Variants in OCA2 observed in about 807,000 individuals in gnomAD.
OCA2 encodes P protein.
In OCA2, 77 loss-of-function variants were observed where a neutral mutation model predicts 100.2. The observed-to-expected ratio is 0.77, with a 90% CI of 0.64 to 0.93. The LOEUF (loss-of-function observed/expected upper bound fraction) is 0.93, where lower values mean the gene tolerates loss of function less well. Ranked by LOEUF, OCA2 falls within the 40% of genes least tolerant of loss-of-function variation. The pLI is 0.00. For missense variants in OCA2, 1,062 were observed against 1,089.1 expected (o/e 0.98, Z 0.35); for synonymous variants, 432 against 439.2 (o/e 0.98, Z 0.21).
intron 23 of OCA2, among the ~76,000 whole-genome samples, chr15:27,842,320 G>A (rs1366599395): frequency 6.6e-6 from 1 of 152,132 alleles, no homozygotes; most frequent in African/African-American, 2.4e-5. Context: ...GCTATTTCTA[G>A]GTAGCAAAAT....
chr15:28,084,890 A>G lies in OCA2; in HGVS notation c.-21-2995T>C, dbSNP rs1021407102. ...GGCAACAAGGAGCATCTGGAGAGCG[A>G]GCAGCAGTGAGGCAGAGTTTTATAG... On this transcript the variant is annotated intron_variant, in intron 1 of 23. Coordinates refer to ENST00000354638, the MANE Select transcript of OCA2 (RefSeq NM_000275.3). 2.6e-5 allele frequency among the ~76,000 whole-genome samples: 4 copies of G among 152,220 alleles called. No homozygotes were observed. The South Asian group carries it at 8.3e-4, about 32-fold the overall frequency.
chr15:27,874,829 T>C (rs1393494933), intron 19 of OCA2, among the ~76,000 whole-genome samples: 1 of 151,740 alleles, frequency 6.6e-6, no homozygotes, highest in Admixed American at 6.6e-5. Context: ...AATCAAATAG[T>C]CAAAAATTGA....
chr15:28,079,630 C>T (rs2044551341), intron 2 of OCA2, among the ~76,000 whole-genome samples: 1 of 152,212 alleles, frequency 6.6e-6, no homozygotes, highest in South Asian at 2.1e-4. Context: ...CCTGTTGCTC[C>T]TCCTCCTGGG....
chr15:27,745,868 T>C, the OCA2 span, among the ~76,000 whole-genome samples: 1 of 152,166 alleles, frequency 6.6e-6, no homozygotes, highest in Admixed American at 6.5e-5. Context: ...TAATAACTCT[T>C]TCAACCAATT....
intron 19 of OCA2, among the ~76,000 whole-genome samples, chr15:27,924,419 T>C: frequency 6.6e-6 from 1 of 152,286 alleles, no homozygotes; most frequent in Middle Eastern, 3.4e-3. Context: ...TTTTTCTTTT[T>C]TCTCTTAATA....
intron 21 of OCA2, among the ~76,000 whole-genome samples, chr15:27,859,835 A>G (rs939465916): frequency 9.2e-5 from 14 of 152,192 alleles, no homozygotes; most frequent in Admixed American, 7.9e-4. Flanking sequence ...ACATCGATGG[A>G]AAGACCCCAG....
chr15:27,789,246 G>C (rs2032968782), intron 23 of OCA2, among the ~76,000 whole-genome samples: 1 of 151,448 alleles, frequency 6.6e-6, no homozygotes, highest in South Asian at 2.1e-4. Flanking sequence ...ATTGTCTGTT[G>C]TAATTTCCAT....
At chr15:28,093,060 G>A (rs901299347) in intron 1 of OCA2, among the ~76,000 whole-genome samples, 1 of 152,052 alleles carries the variant, frequency 6.6e-6, no homozygotes, top group Admixed American at 6.6e-5. Context: ...AACTAAGCAC[G>A]TGAGAAGACA....
In OCA2 at chr15:27,757,461, G is replaced by C. The variant is rs142101683; in HGVS notation, c.2433-1989C>G. Among the ~76,000 whole-genome samples the C allele has an allele frequency of 7.7e-3, 1,176 of 152,284 alleles. 19 individuals are homozygous for C. The highest frequency in any genetic ancestry group is 0.026 in the African/African-American group (1,084 of 41,556). On this transcript the variant is annotated intron_variant, in intron 23 of 23. Transcript: ENST00000354638. Reference sequence around the variant, plus strand: ...GCAACTGAAGCTTGCATATAGTAGGGAACTTGACAAAGGCCACCACCAGTA... The same window carrying C: ...GCAACTGAAGCTTGCATATAGTAGGCAACTTGACAAAGGCCACCACCAGTA...
chr15:27,929,497 G>A (rs928685711), intron 18 of OCA2, among the ~76,000 whole-genome samples: 5 of 151,914 alleles, frequency 3.3e-5, no homozygotes, highest in Admixed American at 2.0e-4. Flanking sequence ...TAATACAAAT[G>A]GATTATAGGT....
intron 19 of OCA2, among the ~76,000 whole-genome samples, chr15:27,925,592 C>A (rs2594926): frequency 0.64 from 97,258 of 152,088 alleles, 31,703 homozygotes; most frequent in East Asian, 0.96. Flanking sequence ...GTGCTGGGGG[C>A]ATGGTTTGAG....
chr15:27,778,627 T>C (rs1019088507), intron 23 of OCA2, among the ~76,000 whole-genome samples: 1 of 149,616 alleles, frequency 6.7e-6, no homozygotes, highest in East Asian at 1.9e-4. Flanking sequence ...CTGTCAGAGG[T>C]CAAGGTGTAG....
intron 23 of OCA2, among the ~76,000 whole-genome samples, chr15:27,757,122 G>A (rs940092899): frequency 2.6e-5 from 4 of 152,216 alleles, no homozygotes; most frequent in African/African-American, 9.6e-5. Flanking sequence ...TGCAGAGGTG[G>A]GATGTTGAGA....
intron 16 of OCA2, 34 bp from the exon 17 acceptor site, chr15:27,955,249 T>C: frequency 6.6e-7 from 1 of 1,506,312 alleles, no homozygotes. Context: ...ATTACTTCCC[T>C]GGTCACGCTG....
At chr15:27,766,150 A>C (rs1352322343) in intron 23 of OCA2, among the ~76,000 whole-genome samples, 1 of 152,186 alleles carries the variant, frequency 6.6e-6, no homozygotes. Flanking sequence ...TTAAATGTTC[A>C]ACTATCACAT....
At chr15:27,952,458 G>C (rs560238468) in intron 17 of OCA2, among the ~76,000 whole-genome samples, 3 of 152,178 alleles carry the variant, frequency 2.0e-5, no homozygotes, top group Admixed American at 6.5e-5. Flanking sequence ...GAGACGGCAC[G>C]AGACGGGGCT....
chr15:27,791,888 G>A (rs1221745174), intron 23 of OCA2, among the ~76,000 whole-genome samples: 1 of 148,588 alleles, frequency 6.7e-6, no homozygotes, highest in East Asian at 1.9e-4. Flanking sequence ...GTTTTATGAT[G>A]GAGTGGAGCT....
At chr15:27,750,036 G>C (rs2030015403), downstream of OCA2, among the ~76,000 whole-genome samples, 1 of 152,172 alleles carries the variant, frequency 6.6e-6, no homozygotes. Context: ...TCTTGACCAA[G>C]AGTTAAGTGG....
chr15:27,959,439 G>C (rs1470368014), intron 15 of OCA2, among the ~76,000 whole-genome samples: 2 of 152,186 alleles, frequency 1.3e-5, no homozygotes, highest in African/African-American at 4.8e-5. Flanking sequence ...ACCATCTGTG[G>C]AAGGTCTCCA....
Sources: allele counts gnomAD v4.1 joint callset (sites outside exome capture counted in the v4.1 genomes callset), GRCh38; gene constraint gnomAD v4.1.1; transcripts MANE v1.5; gene names NCBI Gene and HGNC (gene_info 2026-07-23, HGNC 2026-07-21).